LRRIQ1: variants seen among roughly 807,000 people sequenced by gnomAD.
The protein encoded by LRRIQ1 is leucine rich repeats and IQ motif containing 1, also known as leucine-rich repeat- and IQ domain-containing protein 1.
Under a neutral mutation model 211.9 loss-of-function variants are expected in LRRIQ1, and 210 were observed. The observed-to-expected ratio is 0.99, with a 90% confidence interval of 0.89 to 1.11. The LOEUF is 1.11. Among genes scored for constraint, LRRIQ1 ranks in the 50% most tolerant of loss-of-function variants. LRRIQ1 has a pLI of 0.00. For synonymous variants in LRRIQ1, 699 were observed against 650.1 expected, an observed-to-expected ratio of 1.08 and a Z score of -1.14; for missense variants, 2,136 against 1,939.5, an observed-to-expected ratio of 1.10 and a Z score of -1.90.
intron 24 of LRRIQ1, among the ~76,000 whole-genome samples, chr12:85,196,567 G>A (rs1464016149): frequency 6.6e-6 from 1 of 152,028 alleles, no homozygotes; most frequent in Non-Finnish European, 1.5e-5. Flanking sequence ...AGAAAAACAA[G>A]CAATGGGGAA....
At chr12:85,076,643 T>G in intron 11 of LRRIQ1, 4 of 536,122 alleles carry the variant, frequency 7.5e-6, no homozygotes, top group Non-Finnish European at 9.5e-6. Context: ...ATAGGCTTGA[T>G]TGCTGTGTCG....
At chr12:85,081,440 T>G (rs887325700) in intron 11 of LRRIQ1, among the ~76,000 whole-genome samples, 3 of 139,430 alleles carry the variant, frequency 2.2e-5, no homozygotes, top group Admixed American at 6.9e-5. Context: ...TGTCTTCTTT[T>G]GGATTGGCTT....
intron 4 of LRRIQ1, among the ~76,000 whole-genome samples, chr12:85,045,568 A>G (rs1204141553): frequency 6.6e-6 from 1 of 151,966 alleles, no homozygotes; most frequent in Non-Finnish European, 1.5e-5. Flanking sequence ...AAATATAATT[A>G]TGGAAAATAA....
At chr12:85,040,956 G>T (rs945542519) in intron 3 of LRRIQ1, among the ~76,000 whole-genome samples, 6 of 151,386 alleles carry the variant, frequency 4.0e-5, no homozygotes, top group Admixed American at 6.6e-5. Flanking sequence ...TCACTTATTT[G>T]AAAAGCCCAA....
intron 11 of LRRIQ1, among the ~76,000 whole-genome samples, chr12:85,086,309 A>C (rs1013232878): frequency 2.6e-5 from 4 of 152,020 alleles, no homozygotes; most frequent in Admixed American, 6.6e-5. Context: ...GTGGGGCCTG[A>C]TGGGAGGTGT....
At chr12:85,258,023 G>T (rs993029023) in intron 1 of LRRIQ1, among the ~76,000 whole-genome samples, 1 of 151,634 alleles carries the variant, frequency 6.6e-6, no homozygotes, top group Non-Finnish European at 1.5e-5. Context: ...ATTATAAAAG[G>T]TAAATAAACA....
At chr12:85,206,343 G>T (rs1329400500) in intron 24 of LRRIQ1, among the ~76,000 whole-genome samples, 3 of 152,200 alleles carry the variant, frequency 2.0e-5, no homozygotes, top group Non-Finnish European at 4.4e-5. Flanking sequence ...TGGCAGGGCT[G>T]CTGGTTTCCC....
intron 19 of LRRIQ1, among the ~76,000 whole-genome samples, chr12:85,147,143 G>T (rs1889945864): frequency 1.3e-5 from 2 of 151,726 alleles, no homozygotes; most frequent in African/African-American, 4.8e-5. Flanking sequence ...GAAAACTTAG[G>T]CAACTAATTT....
intron 8 of LRRIQ1, among the ~76,000 whole-genome samples, chr12:85,061,756 TTAAC>T (rs1274616336): frequency 3.6e-4 from 54 of 151,814 alleles, no homozygotes; most frequent in African/African-American, 1.2e-3. Flanking sequence ...TTGTTACAGA[TTAAC>T]TAGGCAGTAT....
intron 24 of LRRIQ1, among the ~76,000 whole-genome samples, chr12:85,197,028 G>A (rs1255360810): frequency 2.0e-5 from 3 of 151,132 alleles, no homozygotes; most frequent in African/African-American, 7.3e-5. Flanking sequence ...GACATGAACA[G>A]ACACTTCTCA....
At chr12:85,159,476 G>A (rs1209692894) in intron 23 of LRRIQ1, 1 of 151,866 alleles carries the variant, frequency 6.6e-6, no homozygotes, top group African/African-American at 2.4e-5. Context: ...TCATTAATTT[G>A]TACAGTACTA....
intron 11 of LRRIQ1, among the ~76,000 whole-genome samples, 180 bp downstream of exon 11, chr12:85,073,278 A>G (rs2136111480): frequency 6.6e-6 from 1 of 152,152 alleles, no homozygotes; most frequent in South Asian, 2.1e-4. Flanking sequence ...TTTTGAAAAT[A>G]TAACATATAA....
intron 24 of LRRIQ1, among the ~76,000 whole-genome samples, chr12:85,212,831 G>T (rs1434809041): frequency 6.7e-6 from 1 of 149,470 alleles, no homozygotes. Context: ...GAGAGAGAGG[G>T]TTCTAGGGTA....
At chr12:85,195,103 C>G (rs1437037872) in intron 24 of LRRIQ1, among the ~76,000 whole-genome samples, 5 of 152,126 alleles carry the variant, frequency 3.3e-5, no homozygotes, top group Non-Finnish European at 7.4e-5. Flanking sequence ...GACACATACA[C>G]TCTCCCAAGA....
intron 24 of LRRIQ1, among the ~76,000 whole-genome samples, chr12:85,201,394 T>C (rs1565900984): frequency 6.6e-6 from 1 of 152,118 alleles, no homozygotes; most frequent in Non-Finnish European, 1.5e-5. Context: ...ATACATTTGG[T>C]ATAATTTGGC....
intron 24 of LRRIQ1, among the ~76,000 whole-genome samples, chr12:85,227,110 C>T (rs536779163): frequency 5.4e-4 from 81 of 150,754 alleles, no homozygotes; most frequent in Middle Eastern, 3.4e-3. Flanking sequence ...CTTGAGGAAT[C>T]GCCACACTGT....
intron 26 of LRRIQ1, among the ~76,000 whole-genome samples, chr12:85,236,165 A>C (rs1374480179): frequency 6.6e-6 from 1 of 152,188 alleles, no homozygotes; most frequent in Non-Finnish European, 1.5e-5. Context: ...GCTGTAAAAC[A>C]GGTAAAACAA....
At chr12:85,042,985 G>T (rs1879081059) in intron 3 of LRRIQ1, among the ~76,000 whole-genome samples, 1 of 151,978 alleles carries the variant, frequency 6.6e-6, no homozygotes. Context: ...TAGGCAGTAA[G>T]TTTTTTTGTT....
intron 24 of LRRIQ1, among the ~76,000 whole-genome samples, chr12:85,181,964 G>T (rs2136888321): frequency 6.6e-6 from 1 of 151,954 alleles, no homozygotes; most frequent in South Asian, 2.1e-4. Flanking sequence ...ACTACTAGAA[G>T]AAATATATTA....
Sources: allele counts gnomAD v4.1 joint callset (sites outside exome capture counted in the v4.1 genomes callset), GRCh38; gene constraint gnomAD v4.1.1; transcripts MANE v1.5; gene names NCBI Gene and HGNC (gene_info 2026-07-23, HGNC 2026-07-21).